ZNF713: variants seen among roughly 807,000 people sequenced by gnomAD.
ZNF713 encodes the protein zinc finger protein 713.
In ZNF713, 21 loss-of-function variants were observed where a neutral mutation model predicts 28.7. The observed-to-expected ratio is 0.73, with a 90% CI of 0.52 to 1.05. The LOEUF (loss-of-function observed/expected upper bound fraction) is 1.05. Among genes scored for constraint, ZNF713 ranks in the 50% least tolerant of loss-of-function variants. ZNF713 has a pLI of 0.00. For missense variants in ZNF713, 458 were observed against 532.4 expected, an observed-to-expected ratio of 0.86 and a Z score of 1.37; for synonymous variants, 167 against 178.0, an observed-to-expected ratio of 0.94 and a Z score of 0.49.
chr7:55,896,687 T>A (rs1030451600), intron 1 of ZNF713, among the ~76,000 whole-genome samples: 2 of 151,750 alleles, frequency 1.3e-5, no homozygotes, highest in Admixed American at 1.3e-4. Context: ...ATATTATATA[T>A]TTCCTAGTTA....
intron 1 of ZNF713, among the ~76,000 whole-genome samples, chr7:55,901,792 G>C (rs1785582892): frequency 6.6e-6 from 1 of 152,228 alleles, no homozygotes; most frequent in Non-Finnish European, 1.5e-5. Flanking sequence ...TCACGTGTAT[G>C]ATTTCACTGC....
chr7:55,911,384 T>C (rs1785780129), intron 2 of ZNF713, among the ~76,000 whole-genome samples: 1 of 152,210 alleles, frequency 6.6e-6, no homozygotes, highest in African/African-American at 2.4e-5. Flanking sequence ...CTGGAAAAGG[T>C]AAGAAAAGGA....
chr7:55,909,018 A>C (rs1245834512), intron 2 of ZNF713, among the ~76,000 whole-genome samples: 3 of 151,912 alleles, frequency 2.0e-5, no homozygotes, highest in Admixed American at 2.0e-4. Context: ...CAACATGGTG[A>C]AACCCTGTCT....
intron 1 of ZNF713, among the ~76,000 whole-genome samples, chr7:55,888,790 G>A (rs905343612): frequency 6.6e-6 from 1 of 152,078 alleles, no homozygotes; most frequent in Non-Finnish European, 1.5e-5. Context: ...TTGCGGTCCT[G>A]TAATCGCAGC....
At chr7:55,934,663 C>G (rs1786307110) in intron 6 of ZNF713, among the ~76,000 whole-genome samples, 1 of 152,064 alleles carries the variant, frequency 6.6e-6, no homozygotes, top group Admixed American at 6.6e-5. Context: ...TGCCACCACA[C>G]CTGGCTGTGT....
At chr7:55,917,401 C>T (rs1422369180) in intron 4 of ZNF713, among the ~76,000 whole-genome samples, 1 of 151,672 alleles carries the variant, frequency 6.6e-6, no homozygotes. Flanking sequence ...AGGAGTCCAA[C>T]AGAAAAAGGT....
In ZNF713 at chr7:55,912,634, G is replaced by C. The variant is rs770344628; in HGVS notation, c.-2-1G>C. 17 of 1,606,620 alleles carry C rather than the reference G, an allele frequency of 1.1e-5. No homozygotes were observed. Among genetic ancestry groups the C allele is most frequent in the Non-Finnish European group, 1.4e-5 (16 of 1,175,266 alleles). On this transcript the variant is annotated splice_acceptor_variant, in intron 3 of 6. Transcript: ENST00000429591. LOFTEE classifies it low-confidence loss of function (5UTR_SPLICE). ...TAACAAGATGCTTCTCTTTTTCCTA[G>C]TTATGCCTTCTCAGAATGCTGTTTT...
chr7:55,919,490 G>GTTTTTTTTTTTTTTTTT lies in ZNF713; in HGVS notation c.88-3655_88-3639dup, dbSNP rs55656709. Among the ~76,000 whole-genome samples, 85 of 66,752 alleles carry GTTTTTTTTTTTTTTTTT rather than the reference G, an allele frequency of 1.3e-3. 12 individuals carry two copies. The highest frequency in any genetic ancestry group is 1.8e-3 in the Non-Finnish European group (59 of 32,212). 43.8% of individuals were successfully genotyped at this position (66,752 alleles called of 152,430 possible). A position where few individuals can be genotyped will look rare whatever the true frequency, so the allele number is the denominator to read the frequency against. ...GCTGGATAAATTGGTAAACACTCCA[G>GTTTTTTTTTTTTTTTTT]TTTTTTTTTTTTTTTTTTTTTTTTT... On this transcript the variant is annotated intron_variant, in intron 4 of 6. Coordinates refer to ENST00000429591, the MANE Select transcript of ZNF713 (RefSeq NM_182633.3).
At chr7:55,889,358 T>G (rs1282293188) in intron 1 of ZNF713, among the ~76,000 whole-genome samples, 1 of 152,062 alleles carries the variant, frequency 6.6e-6, no homozygotes, top group Non-Finnish European at 1.5e-5. Context: ...CACCTCGGCC[T>G]CCCAAGTGCT....
At chr7:55,929,439 A>G (rs1218677517) in intron 6 of ZNF713, among the ~76,000 whole-genome samples, 1 of 152,196 alleles carries the variant, frequency 6.6e-6, no homozygotes, top group East Asian at 1.9e-4. Context: ...GAATTGTAGT[A>G]AAGTGTTGAG....
At position 55,896,198 on chromosome 7, in the gene ZNF713, A is replaced by G. The variant is rs141735274; in HGVS notation, c.-583+8518A>G. On this transcript the variant is annotated intron_variant, in intron 1 of 6. Transcript: ENST00000429591. ...TACAATAAAAAATAGAGGAGAGTGA[A>G]TATAAACACTAATAAATTGGACCTA... Among the ~76,000 whole-genome samples the G allele has an allele frequency of 1.0e-3, 159 of 152,322 alleles. 1 individual carries two copies. The highest frequency in any genetic ancestry group is 3.5e-3 in the African/African-American group (146 of 41,592).
chr7:55,898,515 A>C (rs1344194843), intron 1 of ZNF713, among the ~76,000 whole-genome samples: 1 of 152,206 alleles, frequency 6.6e-6, no homozygotes, highest in Non-Finnish European at 1.5e-5. Flanking sequence ...GACCTTCTTC[A>C]TATGGCAGGA....
intron 1 of ZNF713, among the ~76,000 whole-genome samples, chr7:55,893,394 A>G (rs1318462250): frequency 1.3e-5 from 2 of 152,140 alleles, no homozygotes; most frequent in Non-Finnish European, 2.9e-5. Flanking sequence ...TCTCTTTGGG[A>G]AGTATTCCTT....
intron 2 of ZNF713, among the ~76,000 whole-genome samples, chr7:55,906,766 G>A (rs763908424): frequency 1.3e-4 from 20 of 152,142 alleles, no homozygotes; most frequent in Admixed American, 5.2e-4. Flanking sequence ...GCGTCCTCTC[G>A]TAAATATCTA....
At chr7:55,888,746 C>CATACGTAT (rs1785325921) in intron 1 of ZNF713, among the ~76,000 whole-genome samples, 1 of 47,840 alleles carries the variant, frequency 2.1e-5, no homozygotes, top group African/African-American at 2.5e-4. Context: ...TACATACATA[C>CATACGTAT]ATAGATTTTT....
intron 2 of ZNF713, among the ~76,000 whole-genome samples, chr7:55,907,219 T>G (rs182041386): frequency 6.6e-6 from 1 of 152,330 alleles, no homozygotes; most frequent in East Asian, 1.9e-4. Context: ...GAAGGAGCAC[T>G]GTGGACGCAT....
At chr7:55,933,222 G>A (rs959021336) in intron 6 of ZNF713, among the ~76,000 whole-genome samples, 1 of 151,988 alleles carries the variant, frequency 6.6e-6, no homozygotes, top group African/African-American at 2.4e-5. Flanking sequence ...GGGTGAAAAA[G>A]TGAGACCCTG....
chr7:55,888,743 A>ATGCATACATACG (rs371273023), intron 1 of ZNF713, among the ~76,000 whole-genome samples: 1 of 108,624 alleles, frequency 9.2e-6, no homozygotes, highest in Admixed American at 8.3e-5. Context: ...ACGTACATAC[A>ATGCATACATACG]TACATAGATT....
intron 1 of ZNF713, among the ~76,000 whole-genome samples, chr7:55,897,405 G>A (rs1035589621): frequency 6.6e-6 from 1 of 151,654 alleles, no homozygotes; most frequent in Non-Finnish European, 1.5e-5. Context: ...TCAGCCTCCC[G>A]AATAGCTGGG....
Sources: gnomAD v4.1 joint callset for allele counts (sites outside exome capture counted in the v4.1 genomes callset) on GRCh38, gnomAD v4.1.1 for gene constraint, MANE v1.5 for transcripts, NCBI Gene and HGNC (gene_info 2026-07-23, HGNC 2026-07-21) for gene names.